The following PRKG1 variants were observed in gnomAD, a reference collection of about 807,000 sequenced individuals.
PRKG1 encodes the protein cGMP-dependent protein kinase 1.
A neutral mutation model predicts 88.1 loss-of-function variants in PRKG1; 35 were observed. That is an observed-to-expected ratio of 0.40 (90% CI 0.30 to 0.53). The LOEUF is 0.53. Ranked by LOEUF, PRKG1 falls within the 20% of genes least tolerant of loss-of-function variation. The pLI is 0.59. For synonymous variants in PRKG1, 303 were observed against 292.5 expected (o/e 1.04, Z -0.37); for missense variants, 540 against 839.8 (o/e 0.64, Z 4.41).
At chr10:51,771,078 T>C (rs1368485987) in intron 3 of PRKG1, among the ~76,000 whole-genome samples, 1 of 152,192 alleles carries the variant, frequency 6.6e-6, no homozygotes, top group African/African-American at 2.4e-5. Flanking sequence ...TGTAGGCAAC[T>C]GTAGCACAAT....
intron 2 of PRKG1, among the ~76,000 whole-genome samples, chr10:51,247,112 C>T (rs548818196): frequency 1.3e-5 from 2 of 152,006 alleles, no homozygotes; most frequent in African/African-American, 4.8e-5. Context: ...GTATGGTTCT[C>T]ACGTGGCTGG....
intron 3 of PRKG1, among the ~76,000 whole-genome samples, chr10:51,685,833 A>G (rs1840974058): frequency 6.6e-6 from 1 of 152,118 alleles, no homozygotes; most frequent in Admixed American, 6.5e-5. Flanking sequence ...AAACAAAACA[A>G]CAACAAAACA....
At chr10:51,801,778 G>A (rs1341039933) in intron 3 of PRKG1, among the ~76,000 whole-genome samples, 1 of 152,056 alleles carries the variant, frequency 6.6e-6, no homozygotes, top group African/African-American at 2.4e-5. Flanking sequence ...CATTGAAGTT[G>A]TTCTCAATGT....
chr10:52,148,342 A>G (rs148741860), intron 8 of PRKG1, among the ~76,000 whole-genome samples: 2 of 152,276 alleles, frequency 1.3e-5, no homozygotes, highest in Non-Finnish European at 2.9e-5. Flanking sequence ...TCTTGTCCAA[A>G]ATGTCAGTAG....
intron 5 of PRKG1, among the ~76,000 whole-genome samples, chr10:51,975,954 G>T (rs1483854044): frequency 2.0e-5 from 3 of 151,954 alleles, no homozygotes; most frequent in Admixed American, 6.6e-5. Context: ...ACAGGGGAAA[G>T]AATTTGCATA....
chr10:51,498,583 A>G (rs964408613), intron 3 of PRKG1, among the ~76,000 whole-genome samples: 1 of 152,326 alleles, frequency 6.6e-6, no homozygotes, highest in East Asian at 1.9e-4. Context: ...CATGTTGTAC[A>G]TATAATTTTC....
intron 1 of PRKG1, among the ~76,000 whole-genome samples, chr10:51,112,268 C>T (rs921880382): frequency 2.6e-5 from 4 of 152,036 alleles, no homozygotes; most frequent in Non-Finnish European, 5.9e-5. Flanking sequence ...GCCTTGACTA[C>T]TGTAAACCAA....
chr10:52,188,283 T>TAC lies in PRKG1; in HGVS notation c.1076+26321_1076+26322insCA. Reference sequence around the variant, plus strand: ...ATATACATATGTATATATATACATATATATGTGTATATATATATGTATATA... The same window carrying TAC: ...ATATACATATGTATATATATACATATACATATGTGTATATATATATGTATATA... On this transcript the variant is annotated intron_variant, in intron 9 of 17. Transcript: ENST00000373980. 1.8e-4 allele frequency among the ~76,000 whole-genome samples: 6 copies of TAC among 32,796 alleles called. 1 individual carries two copies. The highest frequency in any genetic ancestry group is 5.3e-4 in the African/African-American group (6 of 11,402). 21.5% of individuals were successfully genotyped at this position (32,796 alleles called of 152,430 possible).
chr10:51,953,816 C>T (rs1413735301), intron 5 of PRKG1, among the ~76,000 whole-genome samples: 1 of 151,914 alleles, frequency 6.6e-6, no homozygotes, highest in African/African-American at 2.4e-5. Context: ...ATTCTGTATC[C>T]TCTATATTAT....
At chr10:51,793,133 C>A (rs1293229788) in intron 3 of PRKG1, among the ~76,000 whole-genome samples, 3 of 76,082 alleles carry the variant, frequency 3.9e-5, no homozygotes, top group Admixed American at 1.5e-4. Flanking sequence ...AAGGTCAGCA[C>A]ACTGCAAAAA....
chr10:51,946,646 T>A (rs968437299), intron 5 of PRKG1, among the ~76,000 whole-genome samples: 4 of 152,212 alleles, frequency 2.6e-5, no homozygotes, highest in African/African-American at 9.6e-5. Context: ...TTGGTGCAGA[T>A]GTCCTTTCTG....
chr10:52,235,599 T>A (rs1185987491), intron 9 of PRKG1, among the ~76,000 whole-genome samples: 21 of 129,264 alleles, frequency 1.6e-4, no homozygotes, highest in Admixed American at 1.3e-3. Context: ...AGGGATCAAT[T>A]CAACAAGAAG....
At chr10:51,228,015 G>T (rs1004239861) in intron 2 of PRKG1, among the ~76,000 whole-genome samples, 3 of 152,070 alleles carry the variant, frequency 2.0e-5, no homozygotes, top group East Asian at 3.9e-4. Context: ...ATTTTTGGAG[G>T]GGGTGGGGAG....
At position 51,783,929 on chromosome 10, in the gene PRKG1, G is replaced by A. The variant is rs546271145; in HGVS notation, c.593-20656G>A. On this transcript the variant is annotated intron_variant, in intron 3 of 17. Coordinates refer to ENST00000373980, the MANE Select transcript of PRKG1 (RefSeq NM_006258.4). ...AAGCCACAGTCCTAAAAATAGGAACGTAGCAGCTTCTTGCAAAAGTGGCTA... is the reference window on the plus strand; with the variant it reads ...AAGCCACAGTCCTAAAAATAGGAACATAGCAGCTTCTTGCAAAAGTGGCTA... Among the ~76,000 whole-genome samples the A allele has an allele frequency of 1.0e-3, 153 of 152,264 alleles. 2 individuals carry two copies. The Middle Eastern group carries it at 0.017, about 17-fold the overall frequency.
At chr10:52,029,856 A>G (rs915014458) in intron 5 of PRKG1, among the ~76,000 whole-genome samples, 1 of 152,146 alleles carries the variant, frequency 6.6e-6, no homozygotes, top group Non-Finnish European at 1.5e-5. Context: ...TGTGGACAGT[A>G]CATATCCTCA....
At chr10:52,285,562 T>C (rs764023225) in intron 14 of PRKG1, among the ~76,000 whole-genome samples, 1 of 152,138 alleles carries the variant, frequency 6.6e-6, no homozygotes, top group Non-Finnish European at 1.5e-5. Flanking sequence ...TTTCTTATTT[T>C]AATCAGTTTG....
chr10:51,838,345 A>G (rs1158194341), intron 4 of PRKG1, among the ~76,000 whole-genome samples: 2 of 152,194 alleles, frequency 1.3e-5, no homozygotes, highest in African/African-American at 4.8e-5. Flanking sequence ...AAATAGATCC[A>G]GTTATATATG....
chr10:51,832,806 G>T (rs183854020), intron 4 of PRKG1, among the ~76,000 whole-genome samples: 2 of 152,318 alleles, frequency 1.3e-5, no homozygotes, highest in Admixed American at 1.3e-4. Flanking sequence ...CTATGGAATG[G>T]TGAGGGGAGG....
At chr10:51,199,560 G>T (rs1328746117) in intron 2 of PRKG1, among the ~76,000 whole-genome samples, 3 of 152,136 alleles carry the variant, frequency 2.0e-5, no homozygotes, top group African/African-American at 7.2e-5. Context: ...CAGCACAATG[G>T]CCTGTATGGA....
Sources: gnomAD v4.1 joint callset for allele counts (sites outside exome capture counted in the v4.1 genomes callset) on GRCh38, gnomAD v4.1.1 for gene constraint, MANE v1.5 for transcripts, NCBI Gene and HGNC (gene_info 2026-07-23, HGNC 2026-07-21) for gene names.